The following SMIM14 variants were observed in gnomAD, a reference collection of about 807,000 sequenced individuals.
SMIM14 encodes the protein small integral membrane protein 14.
SMIM14 carries 5 observed loss-of-function variants against 12.6 expected under a neutral mutation model. The observed-to-expected ratio is 0.40, with a 90% CI of 0.21 to 0.83. The LOEUF is 0.83. Ranked by LOEUF, SMIM14 falls within the 40% of genes least tolerant of loss-of-function variation. SMIM14 has a pLI of 0.37. For missense variants in SMIM14, 86 were observed against 119.1 expected, an observed-to-expected ratio of 0.72 and a Z score of 1.29; for synonymous variants, 30 against 40.1, an observed-to-expected ratio of 0.75 and a Z score of 0.95.
rs192196774 is a variant in SMIM14, at chr4:39,592,226, T to A, written c.75+12845A>T. On this transcript the variant is annotated intron_variant, in intron 2 of 4. Transcript: ENST00000295958. ...AAAATAAAGGAAAAATATAGATAGA[T>A]AGACAGATAGATAGATAGTCACAGA... 5.6e-3 allele frequency among the ~76,000 whole-genome samples: 831 copies of A among 149,544 alleles called. 6 individuals are homozygous for A. Among genetic ancestry groups the A allele is most frequent in the African/African-American group, 0.02 (806 of 40,950 alleles).
At chr4:39,613,057 G>A (rs981783161) in intron 1 of SMIM14, among the ~76,000 whole-genome samples, 1 of 152,028 alleles carries the variant, frequency 6.6e-6, no homozygotes, top group African/African-American at 2.4e-5. Context: ...GTAAAACATG[G>A]CTATTTTAAA....
At chr4:39,596,817 C>T (rs1714386234) in intron 2 of SMIM14, among the ~76,000 whole-genome samples, 1 of 152,118 alleles carries the variant, frequency 6.6e-6, no homozygotes, top group Admixed American at 6.6e-5. Context: ...TCACCGTCAT[C>T]CAGGCTGGAG....
chr4:39,628,515 A>C (rs1199045230), intron 1 of SMIM14, among the ~76,000 whole-genome samples: 1 of 151,226 alleles, frequency 6.6e-6, no homozygotes, highest in South Asian at 2.1e-4. Flanking sequence ...TCTACTAAAA[A>C]TATTTTTAAA....
At position 39,572,475 on chromosome 4, in the gene SMIM14, A is replaced by C; in HGVS notation, c.76-12T>G. On this transcript the variant is annotated splice_polypyrimidine_tract_variant and intron_variant, in intron 2 of 4. Coordinates refer to ENST00000295958, the MANE Select transcript of SMIM14 (RefSeq NM_174921.3). ...TGGGACTGCCGTAACTACAATGAATAAGAAAGGGAAGTTAGTGATTAGACT... is the reference window on the plus strand; with the variant it reads ...TGGGACTGCCGTAACTACAATGAATCAGAAAGGGAAGTTAGTGATTAGACT... 6.2e-7 allele frequency: 1 copy of C among 1,602,996 alleles called. No homozygotes were observed. Among genetic ancestry groups the C allele is most frequent in the Non-Finnish European group, 8.5e-7 (1 of 1,171,800 alleles).
At chr4:39,620,232 C>G (rs1433620422) in intron 1 of SMIM14, among the ~76,000 whole-genome samples, 1 of 151,468 alleles carries the variant, frequency 6.6e-6, no homozygotes, top group African/African-American at 2.4e-5. Flanking sequence ...GTAATCCCAG[C>G]ACTTTGGGAG....
At chr4:39,593,376 A>C (rs1714204309) in intron 2 of SMIM14, 1 of 152,204 alleles carries the variant, frequency 6.6e-6, no homozygotes, top group South Asian at 2.1e-4. Context: ...AAAACTTTCA[A>C]TAAATTAGGT....
intron 1 of SMIM14, among the ~76,000 whole-genome samples, chr4:39,614,185 C>CA (rs60332502): frequency 0.011 from 1,169 of 102,246 alleles, 16 homozygotes; most frequent in Non-Finnish European, 0.018. Context: ...AACTCCATTA[C>CA]AAAAAAAAAA....
At chr4:39,634,945 G>C (rs978250040) in intron 1 of SMIM14, among the ~76,000 whole-genome samples, 1 of 152,184 alleles carries the variant, frequency 6.6e-6, no homozygotes, top group African/African-American at 2.4e-5. Flanking sequence ...GCAGTGAAAA[G>C]GACAGACAAG....
chr4:39,626,239 C>G (rs1715694677), intron 1 of SMIM14, among the ~76,000 whole-genome samples: 1 of 151,616 alleles, frequency 6.6e-6, no homozygotes, highest in African/African-American at 2.4e-5. Flanking sequence ...ACTGAAAAAA[C>G]TGTCTTCTAT....
intron 3 of SMIM14, among the ~76,000 whole-genome samples, chr4:39,564,232 G>C (rs781449563): frequency 6.6e-6 from 1 of 152,148 alleles, no homozygotes; most frequent in African/African-American, 2.4e-5. Context: ...ACAATACACC[G>C]GTATGCTCTA....
chr4:39,613,573 A>G (rs915022891), intron 1 of SMIM14, among the ~76,000 whole-genome samples: 1 of 152,196 alleles, frequency 6.6e-6, no homozygotes, highest in Non-Finnish European at 1.5e-5. Context: ...GTCCCACCGC[A>G]CATTTAAATC....
intron 1 of SMIM14, among the ~76,000 whole-genome samples, chr4:39,620,097 T>TTGGGAGGCTGAGA (rs1368185002): frequency 6.6e-6 from 1 of 150,972 alleles, no homozygotes; most frequent in Non-Finnish European, 1.5e-5. Flanking sequence ...TCCCAGCACT[T>TTGGGAGGCTGAGA]TGGGAGGCTG....
chr4:39,591,246 G>A (rs1337404014), intron 2 of SMIM14, among the ~76,000 whole-genome samples: 1 of 151,938 alleles, frequency 6.6e-6, no homozygotes, highest in Non-Finnish European at 1.5e-5. Flanking sequence ...CTAAATCCAT[G>A]AATCCAGAGA....
chr4:39,559,839 G>A (rs981646892), intron 3 of SMIM14, among the ~76,000 whole-genome samples: 7 of 152,052 alleles, frequency 4.6e-5, no homozygotes, highest in East Asian at 3.8e-4. Context: ...TAAACAGGCC[G>A]GGCGTGGCAG....
rs561960192 is a variant in SMIM14 at position 39,583,262 on chromosome 4, A to T, written c.76-10799T>A. On this transcript the variant is annotated intron_variant, in intron 2 of 4. Transcript: ENST00000295958. ...TGCCACCACACTGGGCTAATTTTTT[A>T]TTTTATTTTATTATTTTTAGAGACA... Among the ~76,000 whole-genome samples the T allele has an allele frequency of 2.0e-5, 3 of 151,560 alleles. No homozygotes were observed. In the East Asian group the frequency reaches 5.8e-4, roughly 30 times the overall value.
chr4:39,604,161 A>G (rs761541695), intron 2 of SMIM14, among the ~76,000 whole-genome samples: 1 of 152,206 alleles, frequency 6.6e-6, no homozygotes, highest in Non-Finnish European at 1.5e-5. Flanking sequence ...TTTTATTTGT[A>G]TTGATATAAA....
At chr4:39,617,194 T>A (rs1221352590) in intron 1 of SMIM14, among the ~76,000 whole-genome samples, 2 of 152,136 alleles carry the variant, frequency 1.3e-5, no homozygotes, top group African/African-American at 2.4e-5. Context: ...ATGTCAAAAC[T>A]CCAATAACAT....
At chr4:39,575,268 C>T (rs1452095243) in intron 2 of SMIM14, among the ~76,000 whole-genome samples, 1 of 151,978 alleles carries the variant, frequency 6.6e-6, no homozygotes, top group African/African-American at 2.4e-5. Context: ...GTCTTGAACT[C>T]CTGAGCTCAA....
chr4:39,632,957 A>G (rs1454393755), intron 1 of SMIM14, among the ~76,000 whole-genome samples: 2 of 152,144 alleles, frequency 1.3e-5, no homozygotes, highest in African/African-American at 4.8e-5. Flanking sequence ...ATGTATATAT[A>G]TATATATGCT....
Sources: gnomAD v4.1 joint callset for allele counts (sites outside exome capture counted in the v4.1 genomes callset) on GRCh38, gnomAD v4.1.1 for gene constraint, MANE v1.5 for transcripts, NCBI Gene and HGNC (gene_info 2026-07-23, HGNC 2026-07-21) for gene names.